The following PPP6R2 variants were observed in gnomAD, a reference collection of about 807,000 sequenced individuals.
PPP6R2 encodes protein phosphatase 6 regulatory subunit 2.
Under a neutral mutation model 100.2 loss-of-function variants are expected in PPP6R2, and 62 were observed. That is an observed-to-expected ratio of 0.62 (90% CI 0.50 to 0.76). PPP6R2 has a LOEUF of 0.76. PPP6R2 is among the 30% of genes least tolerant of loss of function. The pLI, the probability that PPP6R2 is intolerant of heterozygous loss-of-function variation, is 0.00. For synonymous variants in PPP6R2, 525 were observed against 514.7 expected, an observed-to-expected ratio of 1.02 and a Z score of -0.27; for missense variants, 1,142 against 1,276.3, an observed-to-expected ratio of 0.89 and a Z score of 1.60.
At chr22:50,332,231 AT>A in the PPP6R2 span, among the ~76,000 whole-genome samples, 3,568 of 144,784 alleles carry the variant, frequency 0.025, 61 homozygotes, top group Middle Eastern at 0.054. Context: ...CTTCTAGAAG[AT>A]TTTTTTTTTT....
chr22:50,439,887 T>C (rs764380460), intron 20 of PPP6R2, 30 bp downstream of exon 20: 48 of 1,607,718 alleles, frequency 3.0e-5, no homozygotes, highest in Non-Finnish European at 3.8e-5. Context: ...GAGGGGGCTG[T>C]GCCAGGAAGT....
At chr22:50,417,936 A>G (rs1307260390) in intron 6 of PPP6R2, among the ~76,000 whole-genome samples, 1 of 152,114 alleles carries the variant, frequency 6.6e-6, no homozygotes. Flanking sequence ...TTTCTCTCTT[A>G]ATCACATTTG....
intron 1 of PPP6R2, among the ~76,000 whole-genome samples, chr22:50,360,225 G>GT (rs2047505131): frequency 6.6e-6 from 1 of 151,420 alleles, no homozygotes; most frequent in African/African-American, 2.4e-5. Context: ...GCTGATTTTT[G>GT]TATTTTTAGT....
chr22:50,338,030 G>A, the PPP6R2 span, among the ~76,000 whole-genome samples: 1 of 143,212 alleles, frequency 7.0e-6, no homozygotes, highest in Non-Finnish European at 1.5e-5. Context: ...GGTATGTGTG[G>A]TGTGTTTGTG....
rs757689809 is a variant in PPP6R2, at chr22:50,431,408, T to C, written c.1335+26T>C. 10 of 1,601,518 alleles carry C rather than the reference T, an allele frequency of 6.2e-6. No individual in the cohort carries two copies. The highest frequency in any genetic ancestry group is 1.3e-5 in the African/African-American group (1 of 74,834). The stretch of plus-strand genomic sequence containing the variant: ...GTGAGTCCAAGAAGCATCCATCTTA[T>C]CAGCGCCAACTGCGCCCCACTCAGA... On this transcript the variant is annotated intron_variant, in intron 11 of 23. Transcript: ENST00000612753. The surrounding 1 kb of genome is among the most constrained non-coding windows in gnomAD (Gnocchi z 4.8).
At chr22:50,370,351 G>T (rs1394234204) in intron 1 of PPP6R2, among the ~76,000 whole-genome samples, 1 of 152,078 alleles carries the variant, frequency 6.6e-6, no homozygotes, top group African/African-American at 2.4e-5. Flanking sequence ...GCAATGGCGC[G>T]ATCTCGGCTC....
At chr22:50,394,591 C>T (rs1455427699) in intron 3 of PPP6R2, among the ~76,000 whole-genome samples, 1 of 127,304 alleles carries the variant, frequency 7.9e-6, no homozygotes, top group African/African-American at 2.9e-5. Flanking sequence ...AAGAGTGAAA[C>T]CCTGTCTTTA....
At chr22:50,421,158 G>T (rs1355775629) in intron 8 of PPP6R2, among the ~76,000 whole-genome samples, 2 of 152,140 alleles carry the variant, frequency 1.3e-5, no homozygotes, top group Non-Finnish European at 2.9e-5. Flanking sequence ...TTAACCAGAA[G>T]TAGTGTTATA....
At chr22:50,361,101 C>G (rs2047698215) in intron 1 of PPP6R2, among the ~76,000 whole-genome samples, 1 of 152,222 alleles carries the variant, frequency 6.6e-6, no homozygotes, top group Admixed American at 6.5e-5. Flanking sequence ...GAACTCTGCT[C>G]TGACCCTTTC....
chr22:50,352,465 G>T (rs2045518737), intron 1 of PPP6R2, among the ~76,000 whole-genome samples: 1 of 151,944 alleles, frequency 6.6e-6, no homozygotes, highest in Non-Finnish European at 1.5e-5. Context: ...TGCGGTGTCT[G>T]ACCCCTGTAA....
At chr22:50,331,217 T>C in the PPP6R2 span, among the ~76,000 whole-genome samples, 1 of 152,202 alleles carries the variant, frequency 6.6e-6, no homozygotes, top group Admixed American at 6.5e-5. Flanking sequence ...TTGAAGGACA[T>C]TTGGATTATT....
At chr22:50,389,592 C>T (rs149843813) in intron 2 of PPP6R2, among the ~76,000 whole-genome samples, 2,368 of 146,028 alleles carry the variant, frequency 0.016, 65 homozygotes, top group African/African-American at 0.057. Context: ...CTCGCGCTGT[C>T]GCCCAGGCTG....
At chr22:50,372,751 T>C (rs2050536779) in intron 2 of PPP6R2, among the ~76,000 whole-genome samples, 3 of 149,824 alleles carry the variant, frequency 2.0e-5, no homozygotes, top group East Asian at 2.0e-4. Flanking sequence ...TGCAGTGGTG[T>C]GATCTCGGCT....
chr22:50,356,181 G>T (rs1054530030), intron 1 of PPP6R2, among the ~76,000 whole-genome samples: 1 of 150,652 alleles, frequency 6.6e-6, no homozygotes, highest in African/African-American at 2.4e-5. Flanking sequence ...AGCCAGGATG[G>T]TCTCGATCTC....
chr22:50,415,832 G>GA (rs1278098134), intron 5 of PPP6R2, among the ~76,000 whole-genome samples: 2 of 152,238 alleles, frequency 1.3e-5, no homozygotes, highest in African/African-American at 4.8e-5. Flanking sequence ...CCTTAAGAGA[G>GA]AAGTCCTGAA....
At chr22:50,350,530 C>T (rs900213586) in intron 1 of PPP6R2, among the ~76,000 whole-genome samples, 5 of 151,584 alleles carry the variant, frequency 3.3e-5, no homozygotes, top group Non-Finnish European at 5.9e-5. Flanking sequence ...CTGCGACCGG[C>T]CTGAAATGTA....
chr22:50,396,278 C>T (rs202167418), intron 3 of PPP6R2, among the ~76,000 whole-genome samples: 4 of 146,202 alleles, frequency 2.7e-5, no homozygotes, highest in East Asian at 2.1e-4. Flanking sequence ...GGGCAGATCA[C>T]GAGGTCAGGA....
chr22:50,394,207 A>G, intron 3 of PPP6R2, 72 bp downstream of exon 3: 1 of 1,579,440 alleles, frequency 6.3e-7, no homozygotes, highest in South Asian at 1.1e-5. Flanking sequence ...GTGTCTGAGG[A>G]TGGCCATAGT....
chr22:50,382,534 A>T (rs1433412927), intron 2 of PPP6R2, among the ~76,000 whole-genome samples: 7 of 150,860 alleles, frequency 4.6e-5, no homozygotes, highest in Non-Finnish European at 1.0e-4. Flanking sequence ...AAAAAAAAAA[A>T]TTCAAACAAA....
Sources: allele counts gnomAD v4.1 joint callset (sites outside exome capture counted in the v4.1 genomes callset), GRCh38; gene constraint gnomAD v4.1.1; non-coding constraint Gnocchi (gnomAD v3.1); transcripts MANE v1.5; gene names NCBI Gene and HGNC (gene_info 2026-07-23, HGNC 2026-07-21).